NGEF: variants seen among roughly 807,000 people sequenced by gnomAD.
NGEF encodes the protein ephexin-1.
NGEF carries 31 observed loss-of-function variants against 80.9 expected under a neutral mutation model. That is an observed-to-expected ratio of 0.38 (90% CI 0.29 to 0.52). The LOEUF is 0.52. NGEF is among the 20% of genes least tolerant of loss of function. The probability of loss-of-function intolerance (pLI) is 0.84; values close to 1 mark genes in which losing one functional copy is unlikely to be tolerated. For synonymous variants in NGEF, 371 were observed against 370.2 expected (o/e 1.00, Z -0.03); for missense variants, 709 against 926.2 (o/e 0.77, Z 3.04).
At chr2:232,885,249 G>A in intron 10 of NGEF, 31 bp downstream of exon 10, 3 of 1,603,056 alleles carry the variant, frequency 1.9e-6, no homozygotes, top group Admixed American at 1.7e-5. Flanking sequence ...CTGTGCATGG[G>A]CACAGGCTCA....
intron 5 of NGEF, among the ~76,000 whole-genome samples, chr2:232,916,878 C>T (rs1409771819): frequency 6.6e-6 from 1 of 152,226 alleles, no homozygotes; most frequent in Non-Finnish European, 1.5e-5. Context: ...TGTTCGCACA[C>T]ACAAACTCTC....
intron 10 of NGEF, 157 bp downstream of exon 10, chr2:232,885,123 G>A (rs1691633969): frequency 4.7e-6 from 3 of 638,388 alleles, no homozygotes; most frequent in Non-Finnish European, 8.2e-6. Context: ...CAGGCGGGGT[G>A]GCTTCAGCTG....
rs1694754163 is a variant in NGEF at position 232,995,072 on chromosome 2, CTG to C, written c.-75+17994_-75+17995del. Among the ~76,000 whole-genome samples the C allele has an allele frequency of 4.0e-5, 2 of 49,420 alleles. 1 individual carries two copies. Among genetic ancestry groups the C allele is most frequent in the African/African-American group, 1.7e-4 (2 of 11,698 alleles). 32.4% of individuals were successfully genotyped at this position (49,420 alleles called of 152,430 possible). On this transcript the variant is annotated intron_variant, in intron 1 of 14. Coordinates refer to ENST00000264051, the MANE Select transcript of NGEF (RefSeq NM_019850.3). The stretch of plus-strand genomic sequence containing the variant: ...ACTGTATATATGTACAGTATGTATA[CTG>C]TATATGTGTACAGTATGTATATGTG...
intron 5 of NGEF, among the ~76,000 whole-genome samples, chr2:232,918,628 GT>G (rs752153408): frequency 0.1 from 11,072 of 107,884 alleles, 771 homozygotes; most frequent in East Asian, 0.21. Context: ...TTATTTCTAA[GT>G]TTTTTTTTTT....
chr2:232,886,786 G>A (rs1408142437), intron 9 of NGEF, among the ~76,000 whole-genome samples: 1 of 152,254 alleles, frequency 6.6e-6, no homozygotes, highest in Admixed American at 6.5e-5. Context: ...TGGTGGCCCC[G>A]TGTGGCTGCT....
intron 8 of NGEF, among the ~76,000 whole-genome samples, chr2:232,888,494 CGT>C (rs903963567): frequency 2.9e-4 from 44 of 151,722 alleles, no homozygotes; most frequent in African/African-American, 4.4e-4. Flanking sequence ...CATGTACACA[CGT>C]GTACAAACAT....
intron 3 of NGEF, among the ~76,000 whole-genome samples, chr2:232,951,915 G>A (rs1391187187): frequency 6.6e-6 from 1 of 152,080 alleles, no homozygotes; most frequent in Non-Finnish European, 1.5e-5. Flanking sequence ...ATAAGCCAGG[G>A]GCATGCTATC....
intron 3 of NGEF, among the ~76,000 whole-genome samples, chr2:232,949,266 C>T (rs754557904): frequency 1.6e-4 from 24 of 152,172 alleles, no homozygotes; most frequent in Non-Finnish European, 2.6e-4. Flanking sequence ...AAGCCTGGAT[C>T]ATAGTGGGCA....
chr2:232,905,428 C>A (rs1692478763), intron 5 of NGEF, among the ~76,000 whole-genome samples: 1 of 152,216 alleles, frequency 6.6e-6, no homozygotes, highest in South Asian at 2.1e-4. Flanking sequence ...GGCTGGAGTG[C>A]AGTGGCGTGA....
At chr2:232,938,200 CT>C (rs1693365989) in intron 3 of NGEF, among the ~76,000 whole-genome samples, 1 of 152,130 alleles carries the variant, frequency 6.6e-6, no homozygotes. Flanking sequence ...GAATTTTGCT[CT>C]TTTTCCAGGC....
chr2:232,977,621 T>G (rs1574649449), intron 1 of NGEF, among the ~76,000 whole-genome samples: 1 of 151,976 alleles, frequency 6.6e-6, no homozygotes, highest in South Asian at 2.1e-4. Flanking sequence ...TAGGCAGGGG[T>G]CCCGTGGGGT....
At chr2:232,953,301 C>CAAAAAAAAAAAAAAAAAA (rs57652494) in intron 3 of NGEF, among the ~76,000 whole-genome samples, 8 of 91,230 alleles carry the variant, frequency 8.8e-5, no homozygotes, top group East Asian at 3.3e-4. Context: ...GACTCTGTGT[C>CAAAAAAAAAAAAAAAAAA]AAAAAAAAAA....
intron 3 of NGEF, among the ~76,000 whole-genome samples, chr2:232,945,725 C>T (rs1693543498): frequency 6.6e-6 from 1 of 152,120 alleles, no homozygotes; most frequent in South Asian, 2.1e-4. Flanking sequence ...TTAAAAGCCA[C>T]CCAGTTTGTG....
intron 3 of NGEF, among the ~76,000 whole-genome samples, chr2:232,934,727 G>C (rs984535845): frequency 1.3e-5 from 2 of 152,192 alleles, no homozygotes; most frequent in African/African-American, 2.4e-5. Flanking sequence ...AATGGGCCAG[G>C]TGCAGTCGCT....
chr2:232,943,580 C>T (rs1446940916), intron 3 of NGEF, among the ~76,000 whole-genome samples: 1 of 151,086 alleles, frequency 6.6e-6, no homozygotes, highest in Non-Finnish European at 1.5e-5. Context: ...ACTGCAAGCT[C>T]CGCCTCCCGG....
chr2:232,990,009 C>T (rs576596574), intron 1 of NGEF, among the ~76,000 whole-genome samples: 94 of 152,160 alleles, frequency 6.2e-4, no homozygotes, highest in South Asian at 1.2e-3. Context: ...AGAGATGCTC[C>T]CAATAAGAGT....
intron 5 of NGEF, among the ~76,000 whole-genome samples, chr2:232,917,308 G>A (rs937189102): frequency 2.0e-5 from 3 of 152,100 alleles, no homozygotes; most frequent in Non-Finnish European, 4.4e-5. Flanking sequence ...AAAATTAGAT[G>A]GTGTATTATG....
intron 5 of NGEF, among the ~76,000 whole-genome samples, chr2:232,907,923 A>G (rs1430333412): frequency 1.3e-5 from 2 of 152,180 alleles, no homozygotes; most frequent in Admixed American, 6.5e-5. Flanking sequence ...AGCTTGGCCA[A>G]CATGGTAAAA....
At chr2:232,955,069 C>A (rs73995740) in intron 3 of NGEF, among the ~76,000 whole-genome samples, 8 of 152,076 alleles carry the variant, frequency 5.3e-5, no homozygotes, top group African/African-American at 1.7e-4. Flanking sequence ...CAGAGAAAGC[C>A]GAAATAACCT....
Sources: gnomAD v4.1 joint callset for allele counts (sites outside exome capture counted in the v4.1 genomes callset) on GRCh38, gnomAD v4.1.1 for gene constraint, MANE v1.5 for transcripts, NCBI Gene and HGNC (gene_info 2026-07-23, HGNC 2026-07-21) for gene names.